The following MYRFL variants were observed in gnomAD, a reference collection of about 807,000 sequenced individuals.
The protein encoded by MYRFL is myelin regulatory factor-like protein.
A neutral mutation model predicts 109.4 loss-of-function variants in MYRFL; 88 were observed. The observed-to-expected ratio is 0.80, with a 90% CI of 0.68 to 0.96. The LOEUF (loss-of-function observed/expected upper bound fraction) is 0.96. Ranked by LOEUF, MYRFL falls within the 40% of genes least tolerant of loss-of-function variation. MYRFL has a pLI of 0.00. For synonymous variants in MYRFL, 324 were observed against 320.9 expected, an observed-to-expected ratio of 1.01 and a Z score of -0.10; for missense variants, 957 against 954.9, an observed-to-expected ratio of 1.00 and a Z score of -0.03.
At chr12:69,859,761 C>T (rs1165377729) in intron 2 of MYRFL, among the ~76,000 whole-genome samples, 1 of 152,078 alleles carries the variant, frequency 6.6e-6, no homozygotes, top group Non-Finnish European at 1.5e-5. Flanking sequence ...ATTAAAAAGT[C>T]AGGAAACAAC....
chr12:69,930,628 G>C (rs1003021013), intron 15 of MYRFL, among the ~76,000 whole-genome samples: 1 of 151,936 alleles, frequency 6.6e-6, no homozygotes, highest in Non-Finnish European at 1.5e-5. Flanking sequence ...AGACTGGCCT[G>C]GACAACACAG....
At chr12:69,830,240 C>T (rs771653997) in intron 1 of MYRFL, among the ~76,000 whole-genome samples, 11 of 151,370 alleles carry the variant, frequency 7.3e-5, no homozygotes, top group Admixed American at 1.3e-4. Flanking sequence ...TACCCAGCAT[C>T]TTTGAAATTA....
At chr12:69,935,820 G>A in intron 16 of MYRFL, 1 of 404,202 alleles carries the variant, frequency 2.5e-6, no homozygotes, top group Non-Finnish European at 4.4e-6. Flanking sequence ...TCTTCCACTA[G>A]TGACAGGCAC....
At chr12:69,850,216 A>G (rs1883800209) in intron 1 of MYRFL, among the ~76,000 whole-genome samples, 1 of 152,172 alleles carries the variant, frequency 6.6e-6, no homozygotes, top group South Asian at 2.1e-4. Flanking sequence ...AAGTCCAATA[A>G]ACCTCTTCGT....
At chr12:69,952,698 T>C in intron 20 of MYRFL, 101 bp from the exon 21 acceptor site, 1 of 813,248 alleles carries the variant, frequency 1.2e-6, no homozygotes, top group Non-Finnish European at 1.8e-6. Flanking sequence ...CCTGGGAAAC[T>C]CTTACTTCCC....
intron 10 of MYRFL, among the ~76,000 whole-genome samples, chr12:69,902,713 G>A (rs1264610539): frequency 6.6e-6 from 1 of 152,214 alleles, no homozygotes; most frequent in African/African-American, 2.4e-5. Flanking sequence ...ATTTAGAGAT[G>A]CTTACTTTAA....
At chr12:69,948,644 C>G (rs2120535743) in intron 19 of MYRFL, among the ~76,000 whole-genome samples, 1 of 152,294 alleles carries the variant, frequency 6.6e-6, no homozygotes, top group Admixed American at 6.5e-5. Flanking sequence ...AAAATTATTA[C>G]TGGAATAGCT....
At chr12:69,893,989 ATTTTTTTTT>A (rs60637559) in intron 8 of MYRFL, 149 bp downstream of exon 8, 10 of 113,164 alleles carry the variant, frequency 8.8e-5, no homozygotes, top group South Asian at 3.3e-4. Context: ...AATAATGTTA[ATTTTTTTTT>A]TTTTTTTTTT....
At chr12:69,848,753 C>G (rs1883708344) in intron 1 of MYRFL, among the ~76,000 whole-genome samples, 1 of 152,130 alleles carries the variant, frequency 6.6e-6, no homozygotes. Context: ...GTGCCTTTAG[C>G]AGTGTATTGT....
At chr12:69,841,232 C>G (rs531659874) in intron 1 of MYRFL, among the ~76,000 whole-genome samples, 1 of 152,274 alleles carries the variant, frequency 6.6e-6, no homozygotes, top group South Asian at 2.1e-4. Flanking sequence ...ATGCTCCTTC[C>G]CCGGCTCCTC....
chr12:69,880,460 G>T (rs1412018281), intron 5 of MYRFL, among the ~76,000 whole-genome samples, 168 bp downstream of exon 5: 1 of 152,160 alleles, frequency 6.6e-6, no homozygotes, highest in Non-Finnish European at 1.5e-5. Context: ...TTTCATGCAG[G>T]CGGGGTCACA....
intron 22 of MYRFL, among the ~76,000 whole-genome samples, chr12:69,956,125 GT>G (rs1555168589): frequency 4.0e-5 from 6 of 150,006 alleles, no homozygotes; most frequent in Non-Finnish European, 7.4e-5. Flanking sequence ...TCCCAGGTTG[GT>G]TTTTTTTTCT....
chr12:69,949,060 T>G (rs972943994), intron 19 of MYRFL, among the ~76,000 whole-genome samples: 2 of 152,186 alleles, frequency 1.3e-5, no homozygotes, highest in Non-Finnish European at 2.9e-5. Flanking sequence ...GATACAACAG[T>G]GAACAGGATG....
At chr12:69,860,887 C>T in intron 2 of MYRFL, among the ~76,000 whole-genome samples, 1 of 108,934 alleles carries the variant, frequency 9.2e-6, no homozygotes, top group Non-Finnish European at 1.9e-5. Flanking sequence ...CTATCCCTCC[C>T]CCCTCCCCCC....
Position 69,880,519 on chromosome 12 carries a change from A to T in MYRFL, c.556+227A>T, listed in dbSNP as rs77472036. Among the ~76,000 whole-genome samples the T allele has an allele frequency of 3.5e-3, 532 of 152,310 alleles. 14 individuals are homozygous for T. The East Asian group carries it at 0.053, about 15-fold the overall frequency. ...TGTTTCCCGTCTCAGGTGTGGGTGA[A>T]GTGCCAATCTTTCAATTTCAGGGAC... On this transcript the variant is annotated intron_variant, in intron 5 of 24. Coordinates refer to ENST00000552032, the MANE Select transcript of MYRFL (RefSeq NM_182530.3).
At position 69,897,227 on chromosome 12, in the gene MYRFL, C is replaced by G; in HGVS notation, c.1163C>G (p.Ser388Cys). 1 of 1,535,774 alleles carries G rather than the reference C, an allele frequency of 6.5e-7. No individual in the cohort carries two copies. Among genetic ancestry groups the G allele is most frequent in the Non-Finnish European group, 8.7e-7 (1 of 1,146,604 alleles). ...TTCTATCTGTTGTCTGCCCACATCT[C>G]TGAAAGGATCATTGTAAGGGTAAGC... ...DQFYLLSAHI[S>C]ERIIVRASNP... Residue 388 changes from serine to cysteine, a missense_variant, in exon 10 of 25, where the codon TCT becomes TGT. By Grantham distance (112) the Ser-to-Cys change is moderately radical. Coordinates refer to ENST00000552032, the MANE Select transcript of MYRFL (RefSeq NM_182530.3).
intron 24 of MYRFL, 27 bp from the exon 25 acceptor site, chr12:69,958,418 C>CTTTT (rs35912210): frequency 2.5e-6 from 3 of 1,208,822 alleles, no homozygotes; most frequent in South Asian, 3.1e-5. Context: ...ATTAATCTTC[C>CTTTT]TTTTTTTTTT....
intron 1 of MYRFL, among the ~76,000 whole-genome samples, chr12:69,846,105 T>TA (rs1883518231): frequency 9.8e-6 from 1 of 101,676 alleles, no homozygotes; most frequent in African/African-American, 3.4e-5. Flanking sequence ...CTATTGACTA[T>TA]CTTTTTTTTT....
chr12:69,923,692 T>A lies in MYRFL; in HGVS notation c.1603-2879T>A, dbSNP rs890800314. Among the ~76,000 whole-genome samples, 73 of 152,084 alleles carry A rather than the reference T, an allele frequency of 4.8e-4. No individual in the cohort carries two copies. In the South Asian group the frequency reaches 5.4e-3, roughly 11 times the overall value. On this transcript the variant is annotated intron_variant, in intron 13 of 24. Coordinates refer to ENST00000552032, the MANE Select transcript of MYRFL (RefSeq NM_182530.3). ...TTCCCTTGCTGGTTGATTTTTTTTT[T>A]AAATTTTTATTTTTTGTCTTTAGGC...
Sources: gnomAD v4.1 joint callset for allele counts (sites outside exome capture counted in the v4.1 genomes callset) on GRCh38, gnomAD v4.1.1 for gene constraint, MANE v1.5 for transcripts, NCBI Gene and HGNC (gene_info 2026-07-23, HGNC 2026-07-21) for gene names.